Variants in CLASP1 observed in about 807,000 individuals in gnomAD.
The protein encoded by CLASP1 is cytoplasmic linker associated protein 1.
A neutral mutation model predicts 192.3 loss-of-function variants in CLASP1; 38 were observed. That is an observed-to-expected ratio of 0.20 (90% confidence interval 0.15 to 0.26). The LOEUF (loss-of-function observed/expected upper bound fraction) is 0.26, where lower values mean the gene tolerates loss of function less well. CLASP1 is among the 10% of genes least tolerant of loss of function. The pLI is 1.00. For synonymous variants in CLASP1, 691 were observed against 712.8 expected (o/e 0.97, Z 0.49); for missense variants, 1,433 against 1,932.5 (o/e 0.74, Z 4.85).
At chr2:121,491,365 T>C (rs941907241) in intron 8 of CLASP1, among the ~76,000 whole-genome samples, 2 of 152,244 alleles carry the variant, frequency 1.3e-5, no homozygotes, top group African/African-American at 2.4e-5. Context: ...ATAAACATGT[T>C]AGCTTTGCTC....
intron 8 of CLASP1, among the ~76,000 whole-genome samples, chr2:121,480,099 T>G (rs921750787): frequency 6.6e-6 from 1 of 152,172 alleles, no homozygotes; most frequent in African/African-American, 2.4e-5. Context: ...ATGACACCAC[T>G]GGTACAGATA....
chr2:121,441,005 C>T (rs1319857299), intron 19 of CLASP1, among the ~76,000 whole-genome samples: 2 of 152,134 alleles, frequency 1.3e-5, no homozygotes, highest in African/African-American at 2.4e-5. Context: ...CATCTCATGA[C>T]TTTTTAATAC....
intron 7 of CLASP1, among the ~76,000 whole-genome samples, chr2:121,509,414 T>G (rs538149327): frequency 6.6e-6 from 1 of 152,128 alleles, no homozygotes; most frequent in Non-Finnish European, 1.5e-5. Flanking sequence ...GCTCAAGCAA[T>G]CCTTCCGTCT....
At chr2:121,611,018 A>T (rs2065336011) in intron 1 of CLASP1, among the ~76,000 whole-genome samples, 1 of 144,990 alleles carries the variant, frequency 6.9e-6, no homozygotes, top group Non-Finnish European at 1.5e-5. Flanking sequence ...GAGTTACAGG[A>T]GGAAGAGGAA....
intron 24 of CLASP1, among the ~76,000 whole-genome samples, chr2:121,408,465 T>C (rs966179209): frequency 2.6e-5 from 4 of 152,182 alleles, no homozygotes; most frequent in African/African-American, 9.7e-5. Context: ...TACCCACAAA[T>C]ATGATATAGC....
intron 1 of CLASP1, among the ~76,000 whole-genome samples, chr2:121,633,992 C>T (rs1432579387): frequency 4.0e-5 from 6 of 148,632 alleles, no homozygotes; most frequent in South Asian, 2.1e-4. Context: ...AGCGAGACTC[C>T]GTCTCAAAAA....
intron 2 of CLASP1, among the ~76,000 whole-genome samples, chr2:121,538,273 G>A (rs1450697551): frequency 6.6e-6 from 1 of 152,038 alleles, no homozygotes; most frequent in African/African-American, 2.4e-5. Context: ...TTAGCCGGGC[G>A]TGGTGGTGCA....
At chr2:121,530,823 C>T (rs1260460509) in intron 2 of CLASP1, 4 of 648,416 alleles carry the variant, frequency 6.2e-6, no homozygotes, top group Non-Finnish European at 1.1e-5. Context: ...GAATTAATTA[C>T]CACAACCCTA....
intron 2 of CLASP1, among the ~76,000 whole-genome samples, chr2:121,594,070 G>T (rs756036409): frequency 3.3e-5 from 5 of 152,032 alleles, no homozygotes; most frequent in African/African-American, 9.7e-5. Context: ...AGGCCGAGGC[G>T]GGTGGAGATC....
intron 8 of CLASP1, among the ~76,000 whole-genome samples, chr2:121,497,807 C>T (rs923288282): frequency 6.6e-6 from 1 of 152,132 alleles, no homozygotes; most frequent in South Asian, 2.1e-4. Context: ...GCAACCTCCA[C>T]CTCCCAGGTT....
chr2:121,604,015 T>C (rs1009175097), intron 2 of CLASP1, among the ~76,000 whole-genome samples: 1 of 152,210 alleles, frequency 6.6e-6, no homozygotes, highest in African/African-American at 2.4e-5. Flanking sequence ...CACTGTAGGA[T>C]GACTAGAGTT....
At chr2:121,625,061 G>T (rs949045872) in intron 1 of CLASP1, among the ~76,000 whole-genome samples, 2 of 152,116 alleles carry the variant, frequency 1.3e-5, no homozygotes, top group South Asian at 2.1e-4. Flanking sequence ...ATTGAGGCTT[G>T]TTTTATGGCA....
At chr2:121,525,073 T>C (rs936560809) in intron 6 of CLASP1, among the ~76,000 whole-genome samples, 1 of 152,216 alleles carries the variant, frequency 6.6e-6, no homozygotes, top group African/African-American at 2.4e-5. Context: ...GAGAGGCCAC[T>C]GACCATATAT....
At chr2:121,469,727 C>T (rs1341740977) in intron 9 of CLASP1, 81 bp downstream of exon 9, 5 of 1,402,890 alleles carry the variant, frequency 3.6e-6, no homozygotes, top group Non-Finnish European at 4.8e-6. Context: ...TTCTGAGGGC[C>T]ACCACAGGCA....
At chr2:121,430,159 C>G in exon 20 of CLASP1, 1 of 1,569,484 alleles carries the variant, frequency 6.4e-7, no homozygotes, top group South Asian at 1.2e-5. Flanking sequence ...AGAGCTTTGC[C>G]GTCTTGTGCG....
chr2:121,493,980 C>T (rs1417384279), intron 8 of CLASP1, among the ~76,000 whole-genome samples: 1 of 152,162 alleles, frequency 6.6e-6, no homozygotes, highest in African/African-American at 2.4e-5. Context: ...GAAAAGGGAA[C>T]TCTTGTACAC....
At chr2:121,372,911 C>T (rs2069056110) in intron 34 of CLASP1, among the ~76,000 whole-genome samples, 1 of 152,212 alleles carries the variant, frequency 6.6e-6, no homozygotes, top group African/African-American at 2.4e-5. Context: ...GGAAATCACA[C>T]CATGCCTACA....
chr2:121,461,608 G>T (rs930156881), intron 10 of CLASP1, among the ~76,000 whole-genome samples: 1 of 152,128 alleles, frequency 6.6e-6, no homozygotes, highest in African/African-American at 2.4e-5. Context: ...AAACAGGTAA[G>T]GTACAGGGTA....
chr2:121,590,685 AATT>A (rs1458871214), intron 2 of CLASP1, among the ~76,000 whole-genome samples: 5 of 152,290 alleles, frequency 3.3e-5, no homozygotes, highest in African/African-American at 9.6e-5. Context: ...AATAAAAACA[AATT>A]ATTATCATTT....
Sources: gnomAD v4.1 joint callset for allele counts (sites outside exome capture counted in the v4.1 genomes callset) on GRCh38, gnomAD v4.1.1 for gene constraint, MANE v1.5 for transcripts, NCBI Gene and HGNC (gene_info 2026-07-23, HGNC 2026-07-21) for gene names.